The following FYN variants were observed in gnomAD, a reference collection of about 807,000 sequenced individuals.
The protein encoded by FYN is FYN proto-oncogene, Src family tyrosine kinase, also known as tyrosine-protein kinase Fyn.
Under a neutral mutation model 70.2 loss-of-function variants are expected in FYN, and 10 were observed. The ratio of observed to expected loss-of-function variants is 0.14; its 90% confidence interval spans 0.09 to 0.24. FYN has a LOEUF of 0.24. Ranked by LOEUF, FYN falls within the 10% of genes least tolerant of loss-of-function variation. The pLI, the probability that FYN is intolerant of heterozygous loss-of-function variation, is 1.00. For synonymous variants in FYN, 236 were observed against 248.6 expected, an observed-to-expected ratio of 0.95 and a Z score of 0.48; for missense variants, 319 against 673.1, an observed-to-expected ratio of 0.47 and a Z score of 5.82.
chr6:111,829,072 T>C (rs919006178), intron 2 of FYN, among the ~76,000 whole-genome samples: 6 of 152,246 alleles, frequency 3.9e-5, no homozygotes, highest in African/African-American at 1.4e-4. Flanking sequence ...CTGGGACCAA[T>C]GTGCTTCAGA....
At chr6:111,767,261 A>G (rs929346836) in intron 3 of FYN, among the ~76,000 whole-genome samples, 2 of 152,212 alleles carry the variant, frequency 1.3e-5, no homozygotes, top group Admixed American at 1.3e-4. Flanking sequence ...TCAGGTAAGA[A>G]AGAGTTAATT....
intron 3 of FYN, among the ~76,000 whole-genome samples, chr6:111,738,213 C>T (rs536494590): frequency 6.6e-6 from 1 of 152,326 alleles, no homozygotes; most frequent in South Asian, 2.1e-4. Flanking sequence ...ATGTACCTAT[C>T]CCATGAGCAG....
intron 3 of FYN, among the ~76,000 whole-genome samples, chr6:111,721,771 G>A (rs1383745655): frequency 2.0e-5 from 3 of 152,022 alleles, no homozygotes; most frequent in Non-Finnish European, 2.9e-5. Context: ...TGTGAGAAGT[G>A]AAGAAGATTC....
At chr6:111,662,818 G>T (rs9387024) in intron 13 of FYN, among the ~76,000 whole-genome samples, 13 of 152,020 alleles carry the variant, frequency 8.6e-5, no homozygotes, top group Admixed American at 6.6e-5. Flanking sequence ...AGTGCCCTGA[G>T]GTTTGGTGAA....
chr6:111,700,033 C>T, intron 9 of FYN, 71 bp downstream of exon 9: 1 of 1,380,122 alleles, frequency 7.2e-7, no homozygotes, highest in South Asian at 1.3e-5. Flanking sequence ...TTTATTTTCA[C>T]CTTCCATCTT....
At chr6:111,732,595 C>T (rs1207145761) in intron 3 of FYN, among the ~76,000 whole-genome samples, 2 of 152,200 alleles carry the variant, frequency 1.3e-5, no homozygotes, top group Non-Finnish European at 2.9e-5. Context: ...TTTAGTGAGC[C>T]TCTGGCTTTG....
At chr6:111,848,499 C>T (rs1773594738) in intron 1 of FYN, among the ~76,000 whole-genome samples, 1 of 152,210 alleles carries the variant, frequency 6.6e-6, no homozygotes, top group African/African-American at 2.4e-5. Flanking sequence ...GTTATCCATC[C>T]ATACATATAT....
intron 2 of FYN, among the ~76,000 whole-genome samples, chr6:111,814,559 A>C (rs771228553): frequency 1.3e-5 from 2 of 152,160 alleles, no homozygotes; most frequent in African/African-American, 2.4e-5. Flanking sequence ...ATTCTGCAAA[A>C]AATTTTATAT....
chr6:111,827,468 C>T (rs1043433403), intron 2 of FYN, among the ~76,000 whole-genome samples: 8 of 152,108 alleles, frequency 5.3e-5, no homozygotes, highest in Admixed American at 5.2e-4. Flanking sequence ...CATCTTTAAG[C>T]CAGTGTGTAG....
At chr6:111,789,982 C>T (rs1029276643) in intron 2 of FYN, among the ~76,000 whole-genome samples, 1 of 152,040 alleles carries the variant, frequency 6.6e-6, no homozygotes, top group Non-Finnish European at 1.5e-5. Flanking sequence ...GTGCAGAGCC[C>T]CTTGAGTTTA....
chr6:111,852,107 T>C (rs1053608137), intron 1 of FYN, among the ~76,000 whole-genome samples: 5 of 152,324 alleles, frequency 3.3e-5, no homozygotes, highest in African/African-American at 1.2e-4. Context: ...GGAAATTGAC[T>C]ATCTGCTCAC....
chr6:111,678,106 ATATGTGTG>A lies in FYN; in HGVS notation c.1274-3484_1274-3477del, dbSNP rs1338480848. ...GATAAGCCAATACACGAAGGCCATA[ATATGTGTG>A]TGTGTGTGTGTGTGTGTGTGTGTGT... On this transcript the variant is annotated intron_variant, in intron 12 of 13. Coordinates refer to ENST00000354650, the MANE Select transcript of FYN (RefSeq NM_002037.5). 4.8e-3 allele frequency among the ~76,000 whole-genome samples: 563 copies of A among 118,432 alleles called. 2 individuals carry two copies. Among genetic ancestry groups the A allele is most frequent in the Admixed American group, 5.9e-3 (79 of 13,480 alleles). 77.7% of individuals were successfully genotyped at this position (118,432 alleles called of 152,430 possible). A position where few individuals can be genotyped will look rare whatever the true frequency, so the allele number is the denominator to read the frequency against.
Position 111,716,814 on chromosome 6 carries a change from C to T in FYN, c.248-2371G>A, listed in dbSNP as rs192029326. ...TTTTTTTTTTTTTGAGATGGAGTTT[C>T]ACTCTTGTCGCCCAGGCTGGAGTGC... is the stretch of plus-strand genomic sequence containing the variant. On this transcript the variant is annotated intron_variant, in intron 4 of 13. Coordinates refer to ENST00000354650, the MANE Select transcript of FYN (RefSeq NM_002037.5). 8.0e-5 allele frequency among the ~76,000 whole-genome samples: 11 copies of T among 136,766 alleles called. No individual in the cohort carries two copies. In the East Asian group the frequency reaches 2.1e-3, roughly 27 times the overall value. 89.7% of individuals were successfully genotyped at this position (136,766 alleles called of 152,430 possible). A position where few individuals can be genotyped will look rare whatever the true frequency, so the allele number is the denominator to read the frequency against.
At chr6:111,700,971 A>G (rs945094944) in intron 8 of FYN, among the ~76,000 whole-genome samples, 1 of 151,358 alleles carries the variant, frequency 6.6e-6, no homozygotes, top group Non-Finnish European at 1.5e-5. Context: ...TGCTTCTTGG[A>G]TATTTTCCAT....
At position 111,679,160 on chromosome 6, in the gene FYN, C is replaced by T. The variant is rs189334001; in HGVS notation, c.1274-4530G>A. ...AAATGCCAAGCTCCTACCTGCTTCACGGACAGGCTATTTCCTTTATCAAAA... is the reference window on the plus strand; with the variant it reads ...AAATGCCAAGCTCCTACCTGCTTCATGGACAGGCTATTTCCTTTATCAAAA... On this transcript the variant is annotated intron_variant, in intron 12 of 13. Transcript: ENST00000354650. Among the ~76,000 whole-genome samples the T allele has an allele frequency of 7.9e-4, 121 of 152,328 alleles. 1 individual carries two copies. The highest frequency in any genetic ancestry group is 2.1e-3 in the African/African-American group (87 of 41,562).
At chr6:111,720,101 C>T in intron 3 of FYN, 39 bp from the exon 4 acceptor site, 1 of 1,548,256 alleles carries the variant, frequency 6.5e-7, no homozygotes, top group Middle Eastern at 1.7e-4. Flanking sequence ...AGCTGGGATG[C>T]TCCCTAGTTG....
intron 4 of FYN, among the ~76,000 whole-genome samples, chr6:111,716,550 AT>A (rs773989207): frequency 2.0e-5 from 3 of 152,130 alleles, no homozygotes; most frequent in Non-Finnish European, 2.9e-5. Flanking sequence ...TAAGGCAGAA[AT>A]TTGATAGTTT....
chr6:111,845,489 G>A (rs1389738294), intron 2 of FYN, among the ~76,000 whole-genome samples: 3 of 152,230 alleles, frequency 2.0e-5, no homozygotes, highest in Non-Finnish European at 4.4e-5. Flanking sequence ...CAGAAGCTAG[G>A]TGCCTGCATG....
At chr6:111,869,067 G>A (rs1432496683) in intron 1 of FYN, among the ~76,000 whole-genome samples, 8 of 152,074 alleles carry the variant, frequency 5.3e-5, no homozygotes, top group Non-Finnish European at 1.5e-5. Flanking sequence ...AGTATTCATG[G>A]CAAAAAAAAG....
Sources: gnomAD v4.1 joint callset for allele counts (sites outside exome capture counted in the v4.1 genomes callset) on GRCh38, gnomAD v4.1.1 for gene constraint, MANE v1.5 for transcripts, NCBI Gene and HGNC (gene_info 2026-07-23, HGNC 2026-07-21) for gene names.